OSBPL10: variants seen among roughly 807,000 people sequenced by gnomAD.
The protein encoded by OSBPL10 is oxysterol-binding protein-related protein 10.
Under a neutral mutation model 81.7 loss-of-function variants are expected in OSBPL10, and 49 were observed. That is an observed-to-expected ratio of 0.60 (90% confidence interval 0.48 to 0.76). OSBPL10 has a LOEUF of 0.76. Among genes scored for constraint, OSBPL10 ranks in the 30% least tolerant of loss-of-function variants. The probability of loss-of-function intolerance (pLI) is 0.00; values close to 1 mark genes in which losing one functional copy is unlikely to be tolerated. For synonymous variants in OSBPL10, 419 were observed against 383.6 expected, an observed-to-expected ratio of 1.09 and a Z score of -1.08; for missense variants, 923 against 987.8, an observed-to-expected ratio of 0.93 and a Z score of 0.88.
At chr3:31,806,479 A>G (rs1699525728) in intron 4 of OSBPL10, among the ~76,000 whole-genome samples, 1 of 152,222 alleles carries the variant, frequency 6.6e-6, no homozygotes, top group Non-Finnish European at 1.5e-5. Context: ...GCTGAGAGCC[A>G]AACAGTAAGT....
intron 1 of OSBPL10, among the ~76,000 whole-genome samples, chr3:31,944,334 C>T (rs887770396): frequency 4.6e-5 from 7 of 152,032 alleles, no homozygotes; most frequent in Non-Finnish European, 8.8e-5. Flanking sequence ...ATTATATAAT[C>T]ATAAAATATA....
intron 6 of OSBPL10, among the ~76,000 whole-genome samples, chr3:31,710,402 G>A (rs1301130174): frequency 2.6e-5 from 4 of 152,126 alleles, no homozygotes; most frequent in African/African-American, 9.7e-5. Context: ...TACTTGTGCT[G>A]CTCCCCTTCT....
intron 4 of OSBPL10, among the ~76,000 whole-genome samples, chr3:31,818,405 C>A (rs1699899846): frequency 2.0e-5 from 3 of 152,176 alleles, no homozygotes. Context: ...TTCCGCGAAC[C>A]AATTCCTTAA....
intron 8 of OSBPL10, among the ~76,000 whole-genome samples, chr3:31,674,153 A>G (rs528095740): frequency 2.8e-4 from 42 of 152,246 alleles, no homozygotes; most frequent in African/African-American, 9.6e-4. Context: ...AGAGGTGTTT[A>G]TGTCATGGGG....
At position 32,026,057 on chromosome 3, in the gene OSBPL10, TGATAGATAGATA is replaced by T. The variant is rs11385805; in HGVS notation, n.298+20422_298+20433del. ...ATAGATAGATAGATAGATAGATAGATGATAGATAGATAGATAGATAGATAGATAGATAGATGA... is the reference window on the plus strand; with the variant it reads ...ATAGATAGATAGATAGATAGATAGATGATAGATAGATAGATAGATAGATGA... On this transcript the variant is annotated intron_variant and non_coding_transcript_variant, in intron 2 of 3. Coordinates refer to the OSBPL10 transcript ENST00000479173. Among the ~76,000 whole-genome samples the T allele has an allele frequency of 1.9e-3, 216 of 111,330 alleles. 4 individuals carry two copies. Among genetic ancestry groups the T allele is most frequent in the African/African-American group, 6.7e-3 (197 of 29,276 alleles). The allele number at this position is 111,330 out of a possible 152,430, so 73.0% of individuals were successfully genotyped here. A position where few individuals can be genotyped will look rare whatever the true frequency, so the allele number is the denominator to read the frequency against.
intron 1 of OSBPL10, among the ~76,000 whole-genome samples, chr3:31,934,703 A>G (rs1376045077): frequency 6.6e-6 from 1 of 152,160 alleles, no homozygotes; most frequent in East Asian, 1.9e-4. Context: ...AAAAAGGCTG[A>G]CTATATTACT....
At chr3:31,832,219 C>A (rs1700263003) in intron 3 of OSBPL10, among the ~76,000 whole-genome samples, 1 of 152,124 alleles carries the variant, frequency 6.6e-6, no homozygotes, top group Admixed American at 6.5e-5. Flanking sequence ...TTAAAACAAA[C>A]ATACTGTGGA....
At chr3:31,826,828 A>G (rs1179261449) in intron 4 of OSBPL10, among the ~76,000 whole-genome samples, 2 of 152,182 alleles carry the variant, frequency 1.3e-5, no homozygotes, top group African/African-American at 4.8e-5. Context: ...TCCAAAGAAC[A>G]GCTACTCATC....
At chr3:31,725,265 T>C (rs1182784106) in intron 6 of OSBPL10, among the ~76,000 whole-genome samples, 1 of 152,134 alleles carries the variant, frequency 6.6e-6, no homozygotes, top group African/African-American at 2.4e-5. Flanking sequence ...CAGAACGAAC[T>C]AATTGAGGGA....
chr3:31,944,227 T>C (rs1697630045), intron 1 of OSBPL10, among the ~76,000 whole-genome samples: 1 of 152,118 alleles, frequency 6.6e-6, no homozygotes, highest in Non-Finnish European at 1.5e-5. Context: ...GCTAAGGCTG[T>C]TGATAAAGAT....
At chr3:31,662,984 C>T in intron 11 of OSBPL10, 5 of 985,440 alleles carry the variant, frequency 5.1e-6, no homozygotes, top group Non-Finnish European at 6.0e-6. Context: ...AACCAGAATC[C>T]AACCTTGAAA....
At chr3:31,924,232 A>G (rs2125710184) in intron 1 of OSBPL10, among the ~76,000 whole-genome samples, 1 of 151,656 alleles carries the variant, frequency 6.6e-6, no homozygotes, top group Non-Finnish European at 1.5e-5. Context: ...AAAAAAAAGA[A>G]AGAAAGAAAA....
chr3:32,039,474 A>G lies in OSBPL10; in HGVS notation n.298+7017T>C, dbSNP rs555460998. Among the ~76,000 whole-genome samples the G allele has an allele frequency of 5.2e-3, 786 of 152,196 alleles. 5 individuals carry two copies. The highest frequency in any genetic ancestry group is 7.6e-3 in the Non-Finnish European group (520 of 68,016). ...GGAGTTCGAGACCAGCCTGGCCAGCATGGTGAAACCCTGTCTCTACTAAAG... is the reference window on the plus strand; with the variant it reads ...GGAGTTCGAGACCAGCCTGGCCAGCGTGGTGAAACCCTGTCTCTACTAAAG... On this transcript the variant is annotated intron_variant and non_coding_transcript_variant, in intron 2 of 3. Transcript: ENST00000479173.
intron 11 of OSBPL10, chr3:31,663,871 T>C: frequency 6.9e-7 from 1 of 1,445,922 alleles, no homozygotes; most frequent in Non-Finnish European, 9.1e-7. Flanking sequence ...TGCTCAGTTC[T>C]GCCCTCCAGA....
chr3:31,792,860 C>CTGTGTGTGTGTGTGTGTGTG (rs6147757), intron 4 of OSBPL10, among the ~76,000 whole-genome samples: 1 of 126,648 alleles, frequency 7.9e-6, no homozygotes, highest in African/African-American at 3.0e-5. Context: ...TCTAGGCACT[C>CTGTGTGTGTGTGTGTGTGTG]TGTGTGTGTG....
At chr3:31,884,887 T>C (rs1050747026) in intron 1 of OSBPL10, among the ~76,000 whole-genome samples, 12 of 152,084 alleles carry the variant, frequency 7.9e-5, no homozygotes, top group Non-Finnish European at 1.8e-4. Context: ...TTCTTTGCTA[T>C]GTTAAAAATA....
chr3:31,900,008 A>C (rs1455418612), intron 1 of OSBPL10, among the ~76,000 whole-genome samples: 1 of 150,562 alleles, frequency 6.6e-6, no homozygotes, highest in Non-Finnish European at 1.5e-5. Context: ...ATTTACAAAC[A>C]TGGTTAGAAA....
chr3:31,712,185 T>C (rs940641820), intron 6 of OSBPL10, among the ~76,000 whole-genome samples: 1 of 152,210 alleles, frequency 6.6e-6, no homozygotes, highest in African/African-American at 2.4e-5. Context: ...CCAACAGCTT[T>C]CAATAATTTC....
chr3:31,856,714 T>A (rs1246451283), intron 3 of OSBPL10, among the ~76,000 whole-genome samples: 1 of 152,226 alleles, frequency 6.6e-6, no homozygotes, highest in Non-Finnish European at 1.5e-5. Context: ...AAATATTTTA[T>A]CAGGCTAGTG....
Sources: gnomAD v4.1 joint callset for allele counts (sites outside exome capture counted in the v4.1 genomes callset) on GRCh38, gnomAD v4.1.1 for gene constraint, MANE v1.5 for transcripts, NCBI Gene and HGNC (gene_info 2026-07-23, HGNC 2026-07-21) for gene names.